Variants in SLTM observed in about 807,000 individuals in gnomAD.
SLTM encodes the protein SAFB-like transcription modulator.
SLTM carries 43 observed loss-of-function variants against 134.6 expected under a neutral mutation model. The observed-to-expected ratio is 0.32, with a 90% confidence interval of 0.25 to 0.41. The LOEUF (loss-of-function observed/expected upper bound fraction) is 0.41, where lower values mean the gene tolerates loss of function less well. SLTM is among the 10% of genes least tolerant of loss of function. SLTM has a pLI of 1.00. For synonymous variants in SLTM, 424 were observed against 432.3 expected, an observed-to-expected ratio of 0.98 and a Z score of 0.24; for missense variants, 1,055 against 1,288.8, an observed-to-expected ratio of 0.82 and a Z score of 2.78.
intron 2 of SLTM, among the ~76,000 whole-genome samples, chr15:58,928,833 T>A (rs1160682031): frequency 2.0e-5 from 3 of 152,240 alleles, no homozygotes; most frequent in Non-Finnish European, 2.9e-5. Flanking sequence ...CATAATTACC[T>A]CTACGTAATC....
At chr15:58,887,649 T>G in intron 17 of SLTM, 109 bp from the exon 18 acceptor site, 1 of 1,484,302 alleles carries the variant, frequency 6.7e-7, no homozygotes, top group Non-Finnish European at 8.9e-7. Flanking sequence ...AAAATGAACT[T>G]AAGGCAAAGC....
chr15:58,911,360 C>T (rs2141112243), intron 5 of SLTM, among the ~76,000 whole-genome samples: 1 of 152,256 alleles, frequency 6.6e-6, no homozygotes, highest in African/African-American at 2.4e-5. Flanking sequence ...GAGGAAATAA[C>T]TGACCTCCTC....
At chr15:58,922,496 T>C (rs1329076602) in intron 2 of SLTM, among the ~76,000 whole-genome samples, 80 of 144,910 alleles carry the variant, frequency 5.5e-4, no homozygotes, top group Non-Finnish European at 1.1e-3. Context: ...ACAATATGCA[T>C]ATTATATATT....
At chr15:58,900,041 C>G (rs2035356963) in intron 6 of SLTM, 104 bp from the exon 7 acceptor site, 7 of 802,868 alleles carry the variant, frequency 8.7e-6, no homozygotes, top group Non-Finnish European at 1.3e-5. Context: ...CAGTTATTAG[C>G]ACTGATGGAA....
chr15:58,926,526 TATATC>T (rs1343668283), intron 2 of SLTM, among the ~76,000 whole-genome samples: 1 of 152,134 alleles, frequency 6.6e-6, no homozygotes, highest in Non-Finnish European at 1.5e-5. Context: ...AACATGTATA[TATATC>T]ATATGTAAAA....
chr15:58,922,986 G>C (rs541141710), intron 2 of SLTM, among the ~76,000 whole-genome samples: 17 of 152,178 alleles, frequency 1.1e-4, no homozygotes, highest in Admixed American at 3.9e-4. Flanking sequence ...AAAGTGCTGG[G>C]ATTACAGAGG....
intron 2 of SLTM, among the ~76,000 whole-genome samples, chr15:58,919,431 C>CA (rs55753007): frequency 4.0e-5 from 6 of 151,530 alleles, no homozygotes; most frequent in African/African-American, 1.2e-4. Flanking sequence ...CCTATCTCTT[C>CA]AAAAAAAAAT....
chr15:58,886,504 C>T (rs773314831), intron 19 of SLTM, among the ~76,000 whole-genome samples: 2 of 152,052 alleles, frequency 1.3e-5, no homozygotes, highest in African/African-American at 2.4e-5. Flanking sequence ...TGAGCTCAGG[C>T]GATCTGCCCA....
At chr15:58,928,044 T>G (rs1198752744) in intron 2 of SLTM, among the ~76,000 whole-genome samples, 1 of 152,204 alleles carries the variant, frequency 6.6e-6, no homozygotes, top group Non-Finnish European at 1.5e-5. Flanking sequence ...CAAAATATAT[T>G]TGTTTCTATA....
intron 1 of SLTM, 36 bp downstream of exon 1, chr15:58,933,368 C>A: frequency 6.5e-7 from 1 of 1,549,134 alleles, no homozygotes; most frequent in South Asian, 1.2e-5. Context: ...CCTAAGTTCC[C>A]CTTCCCGGTC....
chr15:58,899,983 A>C lies in SLTM; in HGVS notation c.590-46T>G. 6.8e-7 allele frequency: 1 copy of C among 1,460,942 alleles called. No individual in the cohort carries two copies. The highest frequency in any genetic ancestry group is 1.4e-5 in the African/African-American group (1 of 71,062). The allele number at this position is 1,460,942 out of a possible 1,614,324, so 90.5% of individuals were successfully genotyped here. A position where few individuals can be genotyped will look rare whatever the true frequency, so the allele number is the denominator to read the frequency against. ...TAAATATGGCAAAACAAGAAGTTTA[A>C]ACAATTTCATATTCATAAGCTAGAA... is the stretch of plus-strand genomic sequence containing the variant. On this transcript the variant is annotated intron_variant, in intron 6 of 20. Transcript: ENST00000380516. The surrounding 1 kb of genome is among the most constrained non-coding windows in gnomAD (Gnocchi z 5.0).
At chr15:58,905,378 T>G (rs1200774254) in intron 5 of SLTM, among the ~76,000 whole-genome samples, 2 of 152,142 alleles carry the variant, frequency 1.3e-5, no homozygotes, top group African/African-American at 4.8e-5. Context: ...CACCTGAGCT[T>G]GTATTTAAAG....
intron 2 of SLTM, among the ~76,000 whole-genome samples, chr15:58,920,143 C>T (rs550517305): frequency 5.9e-4 from 90 of 151,832 alleles, no homozygotes; most frequent in African/African-American, 2.1e-3. Flanking sequence ...AGCAAAACCC[C>T]ACCTCTACTA....
At chr15:58,918,140 T>G (rs943730064) in intron 2 of SLTM, among the ~76,000 whole-genome samples, 2 of 152,132 alleles carry the variant, frequency 1.3e-5, no homozygotes, top group Non-Finnish European at 2.9e-5. Context: ...TATTATGTTT[T>G]CAGGCTAGTC....
chr15:58,894,946 C>T lies in SLTM; in HGVS notation c.1228-364G>A, dbSNP rs1001678043. Among the ~76,000 whole-genome samples the T allele has an allele frequency of 5.3e-5, 8 of 152,146 alleles. No homozygotes were observed. In the East Asian group the frequency reaches 1.3e-3, roughly 26 times the overall value. ...TCTCAAAGGCCTGACCTCAGGTGATCGGCCTACCTCGGCCTCCCACAGTGC... is the reference window on the plus strand; with the variant it reads ...TCTCAAAGGCCTGACCTCAGGTGATTGGCCTACCTCGGCCTCCCACAGTGC... On this transcript the variant is annotated intron_variant, in intron 9 of 20. Transcript: ENST00000380516.
At chr15:58,911,842 A>G (rs996438954) in intron 5 of SLTM, among the ~76,000 whole-genome samples, 5 of 152,304 alleles carry the variant, frequency 3.3e-5, no homozygotes, top group South Asian at 2.1e-4. Flanking sequence ...AATCATTTTT[A>G]GACTATGCCT....
At chr15:58,915,047 C>G (rs1189093983) in intron 3 of SLTM, among the ~76,000 whole-genome samples, 8 of 152,024 alleles carry the variant, frequency 5.3e-5, no homozygotes, top group African/African-American at 1.9e-4. Context: ...GAAAATTAGC[C>G]GGGCCTGGTG....
At chr15:58,883,403 G>T in intron 20 of SLTM, 1 of 555,612 alleles carries the variant, frequency 1.8e-6, no homozygotes, top group Non-Finnish European at 3.2e-6. Context: ...CAACTTGCCA[G>T]AACGTCACTG....
intron 5 of SLTM, among the ~76,000 whole-genome samples, chr15:58,902,361 TACGCTTGGCTTAAGAA>T (rs1299497744): frequency 3.3e-5 from 5 of 150,682 alleles, no homozygotes; most frequent in African/African-American, 4.9e-5. Flanking sequence ...TGCAAACCAC[TACGCTTGGCTTAAGAA>T]ATGTTTTGAT....
Sources: allele counts gnomAD v4.1 joint callset (sites outside exome capture counted in the v4.1 genomes callset), GRCh38; gene constraint gnomAD v4.1.1; non-coding constraint Gnocchi (gnomAD v3.1); transcripts MANE v1.5; gene names NCBI Gene and HGNC (gene_info 2026-07-23, HGNC 2026-07-21).